The following MMD2 variants were observed in gnomAD, a reference collection of about 807,000 sequenced individuals.
The protein encoded by MMD2 is monocyte to macrophage differentiation factor 2.
In MMD2, 30 loss-of-function variants were observed where a neutral mutation model predicts 33.5. The observed-to-expected ratio is 0.90, with a 90% CI of 0.67 to 1.22. The LOEUF (loss-of-function observed/expected upper bound fraction) is 1.22. Ranked by LOEUF, MMD2 falls within the 50% of genes most tolerant of loss-of-function variation. MMD2 has a pLI of 0.00. For synonymous variants in MMD2, 129 were observed against 123.0 expected, an observed-to-expected ratio of 1.05 and a Z score of -0.32; for missense variants, 364 against 325.4, an observed-to-expected ratio of 1.12 and a Z score of -0.91.
intron 1 of MMD2, among the ~76,000 whole-genome samples, chr7:4,926,299 T>C (rs1380780661): frequency 6.6e-6 from 1 of 151,242 alleles, no homozygotes; most frequent in African/African-American, 2.4e-5. Context: ...CAGGGTTTAA[T>C]CACGTTGCCC....
In MMD2 at chr7:4,925,545, G is replaced by A. The variant is rs765552652; in HGVS notation, c.48-13C>T. Reference sequence around the variant, plus strand: ...GTGGTTCATGAACCTGGAAGGAGAGGGAGAATTCCAGGAAGCTCCGCTGGG... The same window carrying A: ...GTGGTTCATGAACCTGGAAGGAGAGAGAGAATTCCAGGAAGCTCCGCTGGG... On this transcript the variant is annotated splice_polypyrimidine_tract_variant and intron_variant, in intron 1 of 6. Transcript: ENST00000401401. 1.3e-4 allele frequency: 198 copies of A among 1,555,476 alleles called. No homozygotes were observed. Among genetic ancestry groups the A allele is most frequent in the Non-Finnish European group, 1.5e-4 (169 of 1,149,118 alleles).
chr7:4,903,432 G>T (rs555747064), downstream of MMD2, among the ~76,000 whole-genome samples: 5 of 151,364 alleles, frequency 3.3e-5, no homozygotes, highest in Admixed American at 2.6e-4. Flanking sequence ...ATTCTCCCTC[G>T]CGGAGCCTGA....
chr7:4,894,466 T>C, the MMD2 span, among the ~76,000 whole-genome samples: 1 of 152,146 alleles, frequency 6.6e-6, no homozygotes, highest in Non-Finnish European at 1.5e-5. The surrounding 1 kb of genome is among the most constrained non-coding windows in gnomAD (Gnocchi z 4.3). Context: ...GTGCCTTTCA[T>C]ATGCAAACCA....
intron 1 of MMD2, among the ~76,000 whole-genome samples, chr7:4,951,881 C>T (rs925435925): frequency 3.3e-5 from 5 of 152,108 alleles, no homozygotes; most frequent in African/African-American, 7.2e-5. Flanking sequence ...ACTACAGGTA[C>T]GTGCTACCAT....
chr7:4,902,550 T>C (rs914352870), downstream of MMD2, among the ~76,000 whole-genome samples: 8 of 152,210 alleles, frequency 5.3e-5, no homozygotes, highest in African/African-American at 1.9e-4. Context: ...CAAGGGAGAC[T>C]GGCACCCCGG....
At chr7:4,923,174 G>A (rs887145016) in intron 2 of MMD2, among the ~76,000 whole-genome samples, 1 of 151,926 alleles carries the variant, frequency 6.6e-6, no homozygotes, top group African/African-American at 2.4e-5. Flanking sequence ...CACAATCTTG[G>A]CTCACTGCAG....
rs1306961351 is a variant in MMD2 at position 4,940,412 on chromosome 7, G to A, written c.48-14880C>T. 6.6e-6 allele frequency among the ~76,000 whole-genome samples: 1 copy of A among 152,232 alleles called. No individual in the cohort carries two copies. The highest frequency in any genetic ancestry group is 2.4e-5 in the African/African-American group (1 of 41,468). On this transcript the variant is annotated intron_variant, in intron 1 of 6. Transcript: ENST00000401401. This position sits in a 1 kb window ranked among gnomAD's most constrained non-coding sequence, Gnocchi z 5.0. The stretch of plus-strand genomic sequence containing the variant: ...CAGCCACCCCTCCCAGGCTGGGCTG[G>A]TGCCTGTCAGTGGCGACCCTGAGTC...
intron 3 of MMD2, 71 bp from the exon 4 acceptor site, chr7:4,916,150 G>T: frequency 6.9e-7 from 1 of 1,443,378 alleles, no homozygotes; most frequent in Non-Finnish European, 9.7e-7. Context: ...CCAGAGCCGT[G>T]CCCTGGACTG....
chr7:4,894,664 A>G, the MMD2 span, among the ~76,000 whole-genome samples: 2 of 151,242 alleles, frequency 1.3e-5, no homozygotes, highest in African/African-American at 2.4e-5. The surrounding 1 kb of genome is among the most constrained non-coding windows in gnomAD (Gnocchi z 4.3). Context: ...GCCCCTGGCC[A>G]CTCCTCTCGA....
chr7:4,956,728 T>C (rs1165353552), intron 1 of MMD2, among the ~76,000 whole-genome samples: 1 of 151,862 alleles, frequency 6.6e-6, no homozygotes, highest in Non-Finnish European at 1.5e-5. Flanking sequence ...TCAAGAGAGG[T>C]TGAGACATCT....
At chr7:4,911,667 G>A (rs1000582319) in intron 4 of MMD2, among the ~76,000 whole-genome samples, 1 of 144,366 alleles carries the variant, frequency 6.9e-6, no homozygotes. Context: ...TTATTTTATT[G>A]AGATGCAGTC....
rs189313819 is a variant in MMD2, at chr7:4,951,986, T to G, written c.47+6985A>C. ...TCCTGGGCTCTAGTGATCTTCCAGC[T>G]CAGCCTCCCAAAGTGCTGGGACTAC... On this transcript the variant is annotated intron_variant, in intron 1 of 6. Transcript: ENST00000401401. Among the ~76,000 whole-genome samples, 425 of 152,264 alleles carry G rather than the reference T, an allele frequency of 2.8e-3. 2 individuals are homozygous for G. The highest frequency in any genetic ancestry group is 3.9e-3 in the Non-Finnish European group (267 of 68,018).
chr7:4,901,000 T>A (rs1784786888), downstream of MMD2, among the ~76,000 whole-genome samples: 1 of 149,488 alleles, frequency 6.7e-6, no homozygotes, highest in African/African-American at 2.5e-5. Flanking sequence ...ATTAGCCGGG[T>A]ATGGTGGTGG....
downstream of MMD2, among the ~76,000 whole-genome samples, chr7:4,901,173 G>T (rs1356574962): frequency 6.7e-6 from 1 of 150,374 alleles, no homozygotes; most frequent in African/African-American, 2.5e-5. Context: ...GGGTGTGGTG[G>T]CTCACACCTG....
At chr7:4,942,201 C>T (rs1785928355) in intron 1 of MMD2, among the ~76,000 whole-genome samples, 1 of 152,048 alleles carries the variant, frequency 6.6e-6, no homozygotes, top group African/African-American at 2.4e-5. Flanking sequence ...TGATCCACTG[C>T]CTTGACCTCC....
rs1785860873 is a variant in MMD2 at position 4,940,026 on chromosome 7, G to A, written c.48-14494C>T. Among the ~76,000 whole-genome samples the A allele has an allele frequency of 6.6e-6, 1 of 152,192 alleles. No homozygotes were observed. The highest frequency in any genetic ancestry group is 1.5e-5 in the Non-Finnish European group (1 of 68,042). ...CAAAGCGCTGGCATTACAGGCGTGA[G>A]CCACCGCACCTGGCCCAATCTATTT... On this transcript the variant is annotated intron_variant, in intron 1 of 6. Transcript: ENST00000401401. The surrounding 1 kb of genome is among the most constrained non-coding windows in gnomAD (Gnocchi z 5.0).
At chr7:4,927,319 C>T (rs1026226880) in intron 1 of MMD2, among the ~76,000 whole-genome samples, 3 of 151,934 alleles carry the variant, frequency 2.0e-5, no homozygotes, top group African/African-American at 4.8e-5. Context: ...CCGAGGCAGG[C>T]GGATCACTTT....
chr7:4,958,839 C>T, intron 1 of MMD2, 132 bp downstream of exon 1: 1 of 761,032 alleles, frequency 1.3e-6, no homozygotes, highest in Non-Finnish European at 1.8e-6. Context: ...TTTTCTCGGG[C>T]GGGGGTCAGG....
At chr7:4,909,369 C>G (rs757752620) in intron 6 of MMD2, among the ~76,000 whole-genome samples, 1 of 149,040 alleles carries the variant, frequency 6.7e-6, no homozygotes, top group Non-Finnish European at 1.5e-5. Context: ...AAGAACCTGC[C>G]AAGCCCTCGC....
Sources: gnomAD v4.1 joint callset for allele counts (sites outside exome capture counted in the v4.1 genomes callset) on GRCh38, gnomAD v4.1.1 for gene constraint, Gnocchi (gnomAD v3.1) non-coding constraint, MANE v1.5 for transcripts, NCBI Gene and HGNC (gene_info 2026-07-23, HGNC 2026-07-21) for gene names.